Variants in GABRG1 observed in about 807,000 individuals in gnomAD.
The protein encoded by GABRG1 is gamma-aminobutyric acid type A receptor subunit gamma1.
Under a neutral mutation model 49.8 loss-of-function variants are expected in GABRG1, and 49 were observed. The observed-to-expected ratio is 0.98, with a 90% CI of 0.78 to 1.25. The LOEUF (loss-of-function observed/expected upper bound fraction) is 1.25. GABRG1 is among the 50% of genes most tolerant of loss of function. GABRG1 has a pLI of 0.00. For missense variants in GABRG1, 552 were observed against 552.3 expected, an observed-to-expected ratio of 1.00 and a Z score of 0.01; for synonymous variants, 232 against 185.1, an observed-to-expected ratio of 1.25 and a Z score of -2.06.
At chr4:46,110,367 C>G (rs1169544955) in intron 1 of GABRG1, among the ~76,000 whole-genome samples, 1 of 150,924 alleles carries the variant, frequency 6.6e-6, no homozygotes, top group Non-Finnish European at 1.5e-5. Flanking sequence ...CCCATTAAAA[C>G]TTTATCTAAA....
At position 46,040,832 on chromosome 4, in the gene GABRG1, T is replaced by A. The variant is rs2109390241; in HGVS notation, c.*156A>T. ...TAAATTAGCCTGAAAGCTGCTACTT[T>A]ATTTACTTCTGAAGGCCTTAAAATA... On this transcript the variant is annotated 3_prime_UTR_variant, in exon 9 of 9. Coordinates refer to ENST00000295452, the MANE Select transcript of GABRG1 (RefSeq NM_173536.4). The A allele has an allele frequency of 1.4e-6, 1 of 696,046 alleles. No homozygotes were observed. Among genetic ancestry groups the A allele is most frequent in the East Asian group, 2.8e-5 (1 of 35,772 alleles). The allele number at this position is 696,046 out of a possible 1,614,324, so 43.1% of individuals were successfully genotyped here.
chr4:46,114,122 T>C lies in GABRG1; in HGVS notation c.104+9688A>G, dbSNP rs560274327. 4.6e-5 allele frequency among the ~76,000 whole-genome samples: 7 copies of C among 151,164 alleles called. No homozygotes were observed. The South Asian group carries it at 1.5e-3, about 31-fold the overall frequency. ...TTTGTAGAAAAGTTCCTTTCTAGGG[T>C]TGTAGCTCTGAATAATTTTTCACTG... is the stretch of plus-strand genomic sequence containing the variant. On this transcript the variant is annotated intron_variant, in intron 1 of 8. Transcript: ENST00000295452.
At chr4:46,122,048 C>A (rs1190473859) in intron 1 of GABRG1, among the ~76,000 whole-genome samples, 1 of 151,886 alleles carries the variant, frequency 6.6e-6, no homozygotes, top group Non-Finnish European at 1.5e-5. Flanking sequence ...GGTCTAGTAT[C>A]CTTCATTTCA....
chr4:46,052,750 GA>G (rs1393870766), intron 7 of GABRG1, among the ~76,000 whole-genome samples: 1 of 151,736 alleles, frequency 6.6e-6, no homozygotes, highest in Non-Finnish European at 1.5e-5. Context: ...TTCTTAATTT[GA>G]CCAATATTTA....
intron 1 of GABRG1, among the ~76,000 whole-genome samples, chr4:46,117,897 T>G (rs1424429658): frequency 2.9e-3 from 2 of 700 alleles, no homozygotes; most frequent in African/African-American, 0.025. Context: ...TATATACATA[T>G]ATACATATGT....
At chr4:46,059,683 G>A (rs538721420) in intron 5 of GABRG1, among the ~76,000 whole-genome samples, 2 of 152,208 alleles carry the variant, frequency 1.3e-5, no homozygotes, top group East Asian at 3.9e-4. Context: ...AAAGTGCTGA[G>A]ATTACAGGCA....
At chr4:46,062,097 A>T (rs1191736283) in intron 5 of GABRG1, among the ~76,000 whole-genome samples, 1 of 137,454 alleles carries the variant, frequency 7.3e-6, no homozygotes, top group Non-Finnish European at 1.5e-5. Context: ...TCATTGTTCA[A>T]TTCCCATCTA....
rs141275981 is a variant in GABRG1 at position 46,068,073 on chromosome 4, G to A, written c.322-2489C>T. Reference sequence around the variant, plus strand: ...CCTGACACAAATGACTAACCATTCAGTCTAACCATGTAACCTACGCTAATG... The same window carrying A: ...CCTGACACAAATGACTAACCATTCAATCTAACCATGTAACCTACGCTAATG... On this transcript the variant is annotated intron_variant, in intron 3 of 8. Transcript: ENST00000295452. Among the ~76,000 whole-genome samples, 1,236 of 152,224 alleles carry A rather than the reference G, an allele frequency of 8.1e-3. 7 individuals carry two copies. The highest frequency in any genetic ancestry group is 0.013 in the Non-Finnish European group (886 of 68,014).
At chr4:46,075,833 T>C (rs999824762) in intron 3 of GABRG1, among the ~76,000 whole-genome samples, 1 of 152,044 alleles carries the variant, frequency 6.6e-6, no homozygotes, top group Non-Finnish European at 1.5e-5. Flanking sequence ...CTGGAGGCCA[T>C]TGAGTGAAAC....
intron 3 of GABRG1, among the ~76,000 whole-genome samples, chr4:46,066,640 G>T (rs756181104): frequency 3.7e-4 from 56 of 152,072 alleles, no homozygotes; most frequent in Non-Finnish European, 6.8e-4. Context: ...TCCAAGGTTA[G>T]AGCAAAGCCT....
chr4:46,109,250 G>A (rs1451007042), intron 1 of GABRG1, among the ~76,000 whole-genome samples: 1 of 150,874 alleles, frequency 6.6e-6, no homozygotes, highest in Non-Finnish European at 1.5e-5. Context: ...AATCTTGGAA[G>A]ATTGTGTGTT....
intron 3 of GABRG1, among the ~76,000 whole-genome samples, chr4:46,078,923 AGCCT>A (rs1376833412): frequency 6.6e-6 from 1 of 151,990 alleles, no homozygotes; most frequent in Non-Finnish European, 1.5e-5. Flanking sequence ...TAGTAATCAT[AGCCT>A]ATCTACATTA....
chr4:46,051,515 G>A lies in GABRG1; in HGVS notation c.1040C>T (p.Ala347Val). Residue 347 changes from alanine (A) to valine (V), a missense_variant, in exon 8 of 9, where the codon GCC becomes GTC. Physicochemically the swap from Ala to Val is moderately conservative, Grantham distance 64. Transcript: ENST00000295452. ...ATGCAAGGTTCCATATTCCATCAAG[G>A]CTGCAAAAACAAAAATGAAACAAAC... ...VSVCFIFVFA[A>V]LMEYGTLHYF... The A allele has an allele frequency of 1.2e-6, 2 of 1,611,270 alleles. No homozygotes were observed. Among genetic ancestry groups the A allele is most frequent in the Non-Finnish European group, 1.7e-6 (2 of 1,178,484 alleles).
chr4:46,071,988 C>A (rs1350879244), intron 3 of GABRG1, among the ~76,000 whole-genome samples: 1 of 152,066 alleles, frequency 6.6e-6, no homozygotes, highest in Non-Finnish European at 1.5e-5. Context: ...TCACTCACCA[C>A]TCACTCACTG....
Position 46,065,547 on chromosome 4 carries a change from A to G in GABRG1, c.359T>C (p.Phe120Ser). The stretch of plus-strand genomic sequence containing the variant: ...ACTATTGAATTTTAAACGACTGTCA[A>G]ACCAGGTTTGGGCAAAAATTATATC... The part of the protein sequence containing the change: ...TIDIIFAQTW[F>S]DSRLKFNSTM... Residue 120 changes from phenylalanine to serine, a missense_variant, in exon 4 of 9, where the codon TTT (phenylalanine) becomes TCT (serine). Phe to Ser is a radical substitution (Grantham distance 155). Coordinates refer to ENST00000295452, the MANE Select transcript of GABRG1 (RefSeq NM_173536.4). The G allele has an allele frequency of 6.2e-7, 1 of 1,603,982 alleles. No individual in the cohort carries two copies. Among genetic ancestry groups the G allele is most frequent in the Non-Finnish European group, 8.5e-7 (1 of 1,171,492 alleles).
intron 1 of GABRG1, among the ~76,000 whole-genome samples, chr4:46,120,730 T>G (rs73146832): frequency 1.3e-5 from 2 of 151,796 alleles, no homozygotes; most frequent in African/African-American, 2.4e-5. Flanking sequence ...AAAGCAAGTT[T>G]ATTTGAATAT....
intron 7 of GABRG1, 123 bp downstream of exon 7, chr4:46,058,094 T>A: frequency 6.1e-5 from 50 of 821,102 alleles, no homozygotes; most frequent in Admixed American, 3.0e-5. Flanking sequence ...TTAGTTCCTG[T>A]CAATTTTTTT....
intron 2 of GABRG1, among the ~76,000 whole-genome samples, chr4:46,095,725 T>C (rs1302058412): frequency 6.6e-6 from 1 of 151,938 alleles, no homozygotes; most frequent in South Asian, 2.1e-4. Flanking sequence ...AGAAAAATAA[T>C]TTTACATGCA....
At chr4:46,050,070 C>T (rs892877104) in intron 8 of GABRG1, among the ~76,000 whole-genome samples, 1 of 151,830 alleles carries the variant, frequency 6.6e-6, no homozygotes, top group Non-Finnish European at 1.5e-5. Flanking sequence ...AGAGAAGATG[C>T]ATGGCTTTGA....
Sources: allele counts gnomAD v4.1 joint callset (sites outside exome capture counted in the v4.1 genomes callset), GRCh38; gene constraint gnomAD v4.1.1; transcripts MANE v1.5; gene names NCBI Gene and HGNC (gene_info 2026-07-23, HGNC 2026-07-21).